USP32: variants seen among roughly 807,000 people sequenced by gnomAD.
USP32 encodes the protein ubiquitin specific peptidase 32, also known as ubiquitin carboxyl-terminal hydrolase 32.
A neutral mutation model predicts 204.8 loss-of-function variants in USP32; 59 were observed. The observed-to-expected ratio is 0.29, with a 90% CI of 0.23 to 0.36. USP32 has a LOEUF of 0.36. Ranked by LOEUF, USP32 falls within the 10% of genes least tolerant of loss-of-function variation. The probability of loss-of-function intolerance (pLI) is 1.00; values close to 1 mark genes in which losing one functional copy is unlikely to be tolerated. For missense variants in USP32, 1,160 were observed against 1,946.4 expected (o/e 0.60, Z 7.60); for synonymous variants, 517 against 678.4 (o/e 0.76, Z 3.70).
chr17:60,391,795 A>ATC, intron 1 of USP32, 87 bp downstream of exon 1: 1 of 1,438,368 alleles, frequency 7.0e-7, no homozygotes, highest in South Asian at 1.3e-5. Context: ...CACGCCCTCA[A>ATC]TCTCCCCTCT....
intron 3 of USP32, among the ~76,000 whole-genome samples, chr17:60,299,854 C>A (rs1023092476): frequency 2.2e-4 from 33 of 152,236 alleles, no homozygotes; most frequent in Admixed American, 2.1e-3. Flanking sequence ...GGTGAAGGAC[C>A]ACTTCCTAGT....
chr17:60,182,234 GC>G (rs1192146809), intron 31 of USP32, among the ~76,000 whole-genome samples: 4 of 152,124 alleles, frequency 2.6e-5, no homozygotes, highest in Non-Finnish European at 5.9e-5. Context: ...CTTACCCATA[GC>G]CCCTTTTATA....
chr17:60,268,980 C>T (rs540666933), intron 7 of USP32, among the ~76,000 whole-genome samples: 9 of 152,250 alleles, frequency 5.9e-5, no homozygotes, highest in African/African-American at 2.2e-4. Flanking sequence ...ACAAATTATG[C>T]TACAACATTT....
chr17:60,226,586 A>G (rs1023501881), intron 12 of USP32, among the ~76,000 whole-genome samples: 8 of 151,978 alleles, frequency 5.3e-5, no homozygotes, highest in Non-Finnish European at 8.8e-5. Context: ...TAATTTTTTT[A>G]TTATTAAAGA....
At chr17:60,420,739 TA>T (rs2090105137) in intron 1 of USP32, among the ~76,000 whole-genome samples, 1 of 152,188 alleles carries the variant, frequency 6.6e-6, no homozygotes, top group South Asian at 2.1e-4. Flanking sequence ...TTGTTATTGT[TA>T]AAAATACAGA....
chr17:60,334,950 C>G (rs966419580), intron 2 of USP32, among the ~76,000 whole-genome samples: 2 of 142,096 alleles, frequency 1.4e-5, no homozygotes, highest in East Asian at 3.9e-4. Flanking sequence ...TGAGCCACCG[C>G]GCCCAGCCAC....
intron 2 of USP32, among the ~76,000 whole-genome samples, chr17:60,328,754 C>T (rs966184939): frequency 7.2e-5 from 11 of 152,196 alleles, no homozygotes; most frequent in East Asian, 1.9e-4. Context: ...AGCTTCCAGA[C>T]GCCATCACAC....
intron 1 of USP32, among the ~76,000 whole-genome samples, chr17:60,405,425 G>A (rs867446894): frequency 3.3e-5 from 5 of 151,814 alleles, no homozygotes; most frequent in Non-Finnish European, 7.4e-5. Context: ...GGCTGGTCTC[G>A]AACTCCTGAG....
intron 1 of USP32, among the ~76,000 whole-genome samples, chr17:60,410,129 C>T (rs1308656667): frequency 1.3e-5 from 2 of 152,198 alleles, no homozygotes; most frequent in Non-Finnish European, 2.9e-5. Flanking sequence ...CTATAGATAA[C>T]ATCACTATTG....
intron 1 of USP32, among the ~76,000 whole-genome samples, chr17:60,410,323 C>A (rs192458852): frequency 3.8e-4 from 58 of 152,166 alleles, no homozygotes; most frequent in Admixed American, 2.0e-3. Context: ...CCTGACCCAA[C>A]CAATCAGCAT....
upstream of USP32, among the ~76,000 whole-genome samples, chr17:60,396,914 A>G (rs1171699855): frequency 1.3e-5 from 2 of 152,270 alleles, no homozygotes; most frequent in East Asian, 3.9e-4. Flanking sequence ...ATCTCCTTCA[A>G]ATTAATAGTT....
chr17:60,184,002 G>A (rs1021002591), intron 30 of USP32, among the ~76,000 whole-genome samples: 6 of 151,920 alleles, frequency 3.9e-5, no homozygotes, highest in Non-Finnish European at 5.9e-5. Flanking sequence ...AGGTCTACCC[G>A]TCAGCCGGGC....
intron 5 of USP32, among the ~76,000 whole-genome samples, chr17:60,282,603 C>T (rs776942446): frequency 2.5e-4 from 38 of 152,178 alleles, no homozygotes; most frequent in Non-Finnish European, 4.9e-4. Context: ...CCACCCATCT[C>T]GGCCTCCCAA....
chr17:60,347,789 T>G (rs1429622122), intron 1 of USP32, among the ~76,000 whole-genome samples: 1 of 151,454 alleles, frequency 6.6e-6, no homozygotes, highest in African/African-American at 2.4e-5. Flanking sequence ...ACCGAGAAAC[T>G]TCAAGGATTA....
intron 1 of USP32, among the ~76,000 whole-genome samples, chr17:60,362,840 GA>G (rs1035957486): frequency 4.5e-4 from 62 of 137,934 alleles, no homozygotes; most frequent in African/African-American, 1.2e-3. Flanking sequence ...CTCAGGAGAG[GA>G]AAAAAAAAAA....
chr17:60,296,338 T>C (rs947072578), intron 3 of USP32, among the ~76,000 whole-genome samples: 2 of 152,096 alleles, frequency 1.3e-5, no homozygotes, highest in African/African-American at 4.8e-5. Context: ...GTCATTAGGG[T>C]GGGACCCAAT....
Position 60,294,791 on chromosome 17 carries a change from A to C in USP32, c.303T>G (p.Ser101Arg). 1 of 1,600,804 alleles carries C rather than the reference A, an allele frequency of 6.2e-7. No homozygotes were observed. Among genetic ancestry groups the C allele is most frequent in the African/African-American group, 1.3e-5 (1 of 74,718 alleles). The change falls in exon 4 of 34, where the codon AGT becomes AGG. Residue 101 changes from serine (S) to arginine (R), a missense_variant. Ser to Arg is a moderately radical substitution (Grantham distance 110). Around this residue, in one of 8 missense-constraint regions of USP32, gnomAD observed 536 missense variants for 680.9 expected, o/e 0.79. Coordinates refer to ENST00000300896, the MANE Select transcript of USP32 (RefSeq NM_032582.4). ...KDEEKAKYIFSLFSSESGNYV... is the reference protein window; with the variant it reads ...KDEEKAKYIFRLFSSESGNYV... ...AGTTCCCAGATTCACTTGAAAAAAG[A>C]CTAAAAATGTCTAAGAAAAAGAAAG...
Position 60,265,424 on chromosome 17 carries a change from A to G in USP32, c.978T>C (p.His326=). The change falls in exon 9 of 34, where the codon CAT becomes CAC. Residue 326 remains histidine (H), a synonymous_variant. Transcript: ENST00000300896. The stretch of plus-strand genomic sequence containing the variant: ...TATCTAGACTCACCTTTGTGGTGTC[A>G]TGTGCATTCAGTATGCCTTCTACAA... ...SDIVEGILNA[H]DTTKMGHLTL... 6.2e-7 allele frequency: 1 copy of G among 1,605,244 alleles called. No homozygotes were observed. The highest frequency in any genetic ancestry group is 8.5e-7 in the Non-Finnish European group (1 of 1,173,068).
intron 2 of USP32, among the ~76,000 whole-genome samples, chr17:60,311,936 A>C (rs1218452348): frequency 1.3e-5 from 2 of 152,162 alleles, no homozygotes; most frequent in Non-Finnish European, 2.9e-5. Context: ...TGTCTAATGG[A>C]TATAAGGTAA....
Sources: gnomAD v4.1 joint callset for allele counts (sites outside exome capture counted in the v4.1 genomes callset) on GRCh38, gnomAD v4.1.1 for gene constraint, gnomAD v4.1.1 regional missense constraint, MANE v1.5 for transcripts, NCBI Gene and HGNC (gene_info 2026-07-23, HGNC 2026-07-21) for gene names.